The following MTHFD1L variants were observed in gnomAD, a reference collection of about 807,000 sequenced individuals.
The protein encoded by MTHFD1L is methylenetetrahydrofolate dehydrogenase (NADP+ dependent) 1 like, also known as monofunctional C1-tetrahydrofolate synthase, mitochondrial.
MTHFD1L carries 81 observed loss-of-function variants against 119.5 expected under a neutral mutation model. The observed-to-expected ratio is 0.68, with a 90% CI of 0.57 to 0.82. MTHFD1L has a LOEUF of 0.82. Ranked by LOEUF, MTHFD1L falls within the 40% of genes least tolerant of loss-of-function variation. The probability of loss-of-function intolerance (pLI) is 0.00; values close to 1 mark genes in which losing one functional copy is unlikely to be tolerated. For synonymous variants in MTHFD1L, 430 were observed against 475.2 expected (o/e 0.90, Z 1.24); for missense variants, 1,125 against 1,253.4 (o/e 0.90, Z 1.55).
rs186135912 is a variant in MTHFD1L at position 150,955,906 on chromosome 6, C to T, written c.1727-89C>T. The T allele has an allele frequency of 4.4e-6, 5 of 1,139,092 alleles. No individual in the cohort carries two copies. The East Asian group carries it at 9.5e-5, about 22-fold the overall frequency. 70.6% of individuals were successfully genotyped at this position (1,139,092 alleles called of 1,614,324 possible). ...CTGACCTTTTCTCTTTCACCCTCTG[C>T]AACTTCCTGAGCATCAGAACAATGC... On this transcript the variant is annotated intron_variant, in intron 16 of 27. Transcript: ENST00000367321.
At chr6:150,898,898 C>A in intron 7 of MTHFD1L, 1 of 716,436 alleles carries the variant, frequency 1.4e-6, no homozygotes, top group Non-Finnish European at 1.9e-6. Flanking sequence ...AGTGCAGGCG[C>A]GTGATCTAGG....
chr6:151,066,967 T>C (rs966575532), intron 26 of MTHFD1L, among the ~76,000 whole-genome samples: 3 of 151,384 alleles, frequency 2.0e-5, no homozygotes, highest in Non-Finnish European at 4.4e-5. Flanking sequence ...TAGTCCATAT[T>C]AGTAAGTGTT....
intron 24 of MTHFD1L, among the ~76,000 whole-genome samples, chr6:151,034,276 T>C (rs1584243574): frequency 6.6e-6 from 1 of 152,138 alleles, no homozygotes; most frequent in African/African-American, 2.4e-5. Context: ...CTAAGACTTA[T>C]TTGCTAGTTG....
At position 150,965,057 on chromosome 6, in the gene MTHFD1L, T is replaced by G. The variant is rs372204804; in HGVS notation, c.2013+20T>G. ...CTGGAAGTAAGTGGTTTTCTTCTTA[T>G]AGTAATTGTTTGCATTAACTGGATT... On this transcript the variant is annotated intron_variant, in intron 19 of 27. Coordinates refer to ENST00000367321, the MANE Select transcript of MTHFD1L (RefSeq NM_015440.5). 20 of 1,609,214 alleles carry G rather than the reference T, an allele frequency of 1.2e-5. No homozygotes were observed. In the African/African-American group the frequency reaches 2.0e-4, roughly 16 times the overall value.
Position 150,926,031 on chromosome 6 carries a change from T to C in MTHFD1L, c.1083-91T>C. 1 of 1,104,722 alleles carries C rather than the reference T, an allele frequency of 9.1e-7. No homozygotes were observed. Among genetic ancestry groups the C allele is most frequent in the Non-Finnish European group, 1.3e-6 (1 of 774,148 alleles). The allele number at this position is 1,104,722 out of a possible 1,614,324, so 68.4% of individuals were successfully genotyped here. On this transcript the variant is annotated intron_variant, in intron 10 of 27. Transcript: ENST00000367321. This position sits in a 1 kb window ranked among gnomAD's most constrained non-coding sequence, Gnocchi z 4.3. ...CCCCAAAGTAATTGCATTGATTTCA[T>C]CGTTGGCGTGATGTGTGGCTGTTTT...
chr6:150,866,598 G>T, intron 1 of MTHFD1L: 2 of 1,219,470 alleles, frequency 1.6e-6, no homozygotes, highest in Non-Finnish European at 2.0e-6. Context: ...CTGGGCTGGG[G>T]TCTGTGGCTG....
intron 26 of MTHFD1L, chr6:151,088,164 A>C (rs1279698934): frequency 6.6e-6 from 1 of 152,188 alleles, no homozygotes; most frequent in South Asian, 2.1e-4. Context: ...ATAATTCCAC[A>C]TTATGCTTGC....
At chr6:150,950,097 C>T (rs558625217) in intron 16 of MTHFD1L, among the ~76,000 whole-genome samples, 1 of 152,328 alleles carries the variant, frequency 6.6e-6, no homozygotes, top group Admixed American at 6.5e-5. Context: ...GCTTCCGTTT[C>T]CATCCCCCAG....
chr6:151,003,073 T>G (rs1584060547), intron 20 of MTHFD1L, among the ~76,000 whole-genome samples: 3 of 152,222 alleles, frequency 2.0e-5, no homozygotes, highest in African/African-American at 7.2e-5. Flanking sequence ...TTTGTGATTC[T>G]GCAGAAATGG....
intron 20 of MTHFD1L, among the ~76,000 whole-genome samples, chr6:150,972,361 A>G (rs1017553109): frequency 4.6e-5 from 7 of 152,236 alleles, no homozygotes; most frequent in Non-Finnish European, 7.3e-5. Flanking sequence ...TCTTGTGTGT[A>G]AAATAGTGAT....
chr6:150,932,692 T>C (rs1427340048), intron 11 of MTHFD1L, among the ~76,000 whole-genome samples: 1 of 151,442 alleles, frequency 6.6e-6, no homozygotes, highest in African/African-American at 2.4e-5. Flanking sequence ...TGCTTGAACC[T>C]GGGAGGCAGA....
intron 26 of MTHFD1L, among the ~76,000 whole-genome samples, chr6:151,081,694 G>C (rs1793199872): frequency 6.6e-6 from 1 of 152,026 alleles, no homozygotes; most frequent in African/African-American, 2.4e-5. Context: ...CCTGTCTTAT[G>C]TTTTTCTACT....
rs58490721 is a variant in MTHFD1L, at chr6:150,974,724, C to CT, written c.2125+2686dup. 2.0e-3 allele frequency among the ~76,000 whole-genome samples: 285 copies of CT among 144,678 alleles called. 3 individuals carry two copies. Among genetic ancestry groups the CT allele is most frequent in the Middle Eastern group, 3.7e-3 (1 of 272 alleles). 94.9% of individuals were successfully genotyped at this position (144,678 alleles called of 152,430 possible). ...TGCAGCAGGCGTCAGAATTCTCTTC[C>CT]TTTTTTTTTTTTTTTTTTTTATTTT... On this transcript the variant is annotated intron_variant, in intron 20 of 27. Coordinates refer to ENST00000367321, the MANE Select transcript of MTHFD1L (RefSeq NM_015440.5).
Position 150,889,360 on chromosome 6 carries a change from G to T in MTHFD1L, c.780+1379G>T, listed in dbSNP as rs554511423. ...AAAAAATATAGGCGTATGCATTTAA[G>T]AGGTTGGCGTTGGAAGGATAGCTTA... On this transcript the variant is annotated intron_variant, in intron 7 of 27. Coordinates refer to ENST00000367321, the MANE Select transcript of MTHFD1L (RefSeq NM_015440.5). Among the ~76,000 whole-genome samples, 16 of 152,308 alleles carry T rather than the reference G, an allele frequency of 1.1e-4. No homozygotes were observed. The South Asian group carries it at 2.7e-3, about 26-fold the overall frequency.
At chr6:150,968,975 A>C (rs1393080163) in intron 19 of MTHFD1L, among the ~76,000 whole-genome samples, 2 of 147,326 alleles carry the variant, frequency 1.4e-5, no homozygotes, top group African/African-American at 5.1e-5. Flanking sequence ...CAGCCTCCTG[A>C]GCATCTGGGA....
At chr6:150,924,364 G>A (rs1789556096) in intron 10 of MTHFD1L, among the ~76,000 whole-genome samples, 2 of 152,042 alleles carry the variant, frequency 1.3e-5, no homozygotes, top group Admixed American at 6.6e-5. Context: ...GTAGAGACAG[G>A]GTTTCACCAT....
chr6:151,003,409 G>A, intron 20 of MTHFD1L, among the ~76,000 whole-genome samples: 1 of 152,130 alleles, frequency 6.6e-6, no homozygotes, highest in Non-Finnish European at 1.5e-5. Flanking sequence ...GTGGGTGCCT[G>A]TAGTCCCACC....
intron 11 of MTHFD1L, among the ~76,000 whole-genome samples, chr6:150,933,476 T>TGG (rs1340198334): frequency 2.6e-5 from 4 of 152,038 alleles, no homozygotes; most frequent in African/African-American, 7.2e-5. Context: ...TTGTATAACT[T>TGG]TCAGTCTTCA....
chr6:150,929,133 G>A (rs1015578785), intron 11 of MTHFD1L, among the ~76,000 whole-genome samples: 3 of 152,220 alleles, frequency 2.0e-5, no homozygotes, highest in Non-Finnish European at 2.9e-5. Context: ...AGCTGCCTCT[G>A]GTTAGATTGG....
Sources: gnomAD v4.1 joint callset for allele counts (sites outside exome capture counted in the v4.1 genomes callset) on GRCh38, gnomAD v4.1.1 for gene constraint, Gnocchi (gnomAD v3.1) non-coding constraint, MANE v1.5 for transcripts, NCBI Gene and HGNC (gene_info 2026-07-23, HGNC 2026-07-21) for gene names.